The following MSI1 variants were observed in gnomAD, a reference collection of about 807,000 sequenced individuals.
The protein encoded by MSI1 is musashi RNA binding protein 1.
MSI1 carries 15 observed loss-of-function variants against 54.4 expected under a neutral mutation model. The ratio of observed to expected loss-of-function variants is 0.28; its 90% CI spans 0.18 to 0.42. The LOEUF is 0.42. Ranked by LOEUF, MSI1 falls within the 20% of genes least tolerant of loss-of-function variation. The pLI, the probability that MSI1 is intolerant of heterozygous loss-of-function variation, is 1.00. For synonymous variants in MSI1, 200 were observed against 196.5 expected, an observed-to-expected ratio of 1.02 and a Z score of -0.15; for missense variants, 304 against 506.0, an observed-to-expected ratio of 0.60 and a Z score of 3.83.
chr12:120,345,984 C>T (rs1472734082), intron 13 of MSI1, 151 bp downstream of exon 13: 2 of 760,198 alleles, frequency 2.6e-6, no homozygotes, highest in Non-Finnish European at 4.1e-6. Flanking sequence ...GAATGATAAC[C>T]CCCACAACTC....
chr12:120,359,174 CT>C, intron 6 of MSI1, 121 bp from the exon 7 acceptor site: 1 of 1,195,580 alleles, frequency 8.4e-7, no homozygotes, highest in East Asian at 2.6e-5. Context: ...CTTCAACCTG[CT>C]CCCTGCACAG....
chr12:120,354,481 G>C (rs1294417336), intron 9 of MSI1, among the ~76,000 whole-genome samples: 3 of 151,950 alleles, frequency 2.0e-5, no homozygotes, highest in Non-Finnish European at 4.4e-5. Context: ...CCCCAGGCTG[G>C]AGTGCAATGG....
chr12:120,361,948 A>C (rs955113077), intron 6 of MSI1, among the ~76,000 whole-genome samples: 1 of 151,814 alleles, frequency 6.6e-6, no homozygotes, highest in Non-Finnish European at 1.5e-5. Context: ...CTGCTGGATC[A>C]GATTAGTGCG....
At chr12:120,359,091 C>A (rs1015804244) in intron 6 of MSI1, 38 bp from the exon 7 acceptor site, 9 of 1,551,654 alleles carry the variant, frequency 5.8e-6, no homozygotes, top group Non-Finnish European at 7.8e-6. Context: ...CAGCAGATAC[C>A]AGCGGAACCC....
In MSI1 at chr12:120,356,929, C is replaced by A; in HGVS notation, c.625G>T (p.Ala209Ser). The stretch of plus-strand genomic sequence containing the variant: ...AGCATGCCGATGCCCAGCATGAAGG[C>A]GTCCATTCCGTAGGGCATGACTCGA... The part of the protein sequence containing the change: ...RSRVMPYGMD[A>S]FMLGIGMLGY... Residue 209 changes from alanine (A) to serine (S), a missense_variant, in exon 9 of 15, where the codon GCC (alanine) becomes TCC (serine). Coordinates refer to ENST00000257552, the MANE Select transcript of MSI1 (RefSeq NM_002442.4). The A allele has an allele frequency of 6.2e-7, 1 of 1,614,142 alleles. No homozygotes were observed. The highest frequency in any genetic ancestry group is 8.5e-7 in the Non-Finnish European group (1 of 1,180,040).
intron 9 of MSI1, among the ~76,000 whole-genome samples, chr12:120,355,600 A>T (rs1875045176): frequency 6.6e-6 from 1 of 152,198 alleles, no homozygotes; most frequent in East Asian, 1.9e-4. Flanking sequence ...ATGTGTACAT[A>T]CATATTTGCA....
At position 120,351,569 on chromosome 12, in the gene MSI1, A is replaced by G. The variant is rs369878497; in HGVS notation, c.734-169T>C. Reference sequence around the variant, plus strand: ...AGTTCCCAGAAGGCAGGGGAGGGCAAGGAGACAGACACAGAGGAGAGACAG... The same window carrying G: ...AGTTCCCAGAAGGCAGGGGAGGGCAGGGAGACAGACACAGAGGAGAGACAG... On this transcript the variant is annotated intron_variant, in intron 10 of 14. Transcript: ENST00000257552. Among the ~76,000 whole-genome samples, 382 of 152,040 alleles carry G rather than the reference A, an allele frequency of 2.5e-3. 4 individuals carry two copies. The highest frequency in any genetic ancestry group is 8.9e-3 in the African/African-American group (371 of 41,494).
At chr12:120,358,616 G>A (rs868830214) in intron 7 of MSI1, among the ~76,000 whole-genome samples, 4 of 152,144 alleles carry the variant, frequency 2.6e-5, no homozygotes, top group African/African-American at 9.7e-5. Flanking sequence ...CAGAGGCAAC[G>A]GGGCTGGGGG....
In MSI1 at chr12:120,342,704, A is replaced by T. The variant is rs1052032206; in HGVS notation, c.*423T>A. Reference sequence around the variant, plus strand: ...AGGGTAAAGGAGGGGAAATCTGAATAAAAAACAGGGGTTGGGCTGCGGCCT... The same window carrying T: ...AGGGTAAAGGAGGGGAAATCTGAATTAAAAACAGGGGTTGGGCTGCGGCCT... On this transcript the variant is annotated 3_prime_UTR_variant, in exon 15 of 15. Transcript: ENST00000257552. 2 of 151,284 alleles carry T rather than the reference A, an allele frequency of 1.3e-5. No individual in the cohort carries two copies. The highest frequency in any genetic ancestry group is 2.4e-5 in the African/African-American group (1 of 41,190). The allele number at this position is 151,284 out of a possible 1,614,324, so 9.4% of individuals were successfully genotyped here.
rs1473968793 is a variant in MSI1 at position 120,356,884 on chromosome 12, G to A, written c.652+18C>T. 1 of 1,608,986 alleles carries A rather than the reference G, an allele frequency of 6.2e-7. No individual in the cohort carries two copies. The highest frequency in any genetic ancestry group is 1.1e-5 in the South Asian group (1 of 90,978). ...CAGTTCTGGCAGAAAGAAGCCGCAGGCGCAGGCTCGCGCATACCCAGCATG... is the reference window on the plus strand; with the variant it reads ...CAGTTCTGGCAGAAAGAAGCCGCAGACGCAGGCTCGCGCATACCCAGCATG... On this transcript the variant is annotated intron_variant, in intron 9 of 14. Coordinates refer to ENST00000257552, the MANE Select transcript of MSI1 (RefSeq NM_002442.4).
chr12:120,363,855 C>G (rs1042560767), intron 5 of MSI1, among the ~76,000 whole-genome samples: 1 of 152,262 alleles, frequency 6.6e-6, no homozygotes, highest in African/African-American at 2.4e-5. Context: ...AGTTGGGGGA[C>G]TTGATGGAAT....
Position 120,363,031 on chromosome 12 carries a change from G to C in MSI1, c.402+12C>G, listed in dbSNP as rs2136979285. The C allele has an allele frequency of 6.2e-7, 1 of 1,612,650 alleles. No homozygotes were observed. Among genetic ancestry groups the C allele is most frequent in the East Asian group, 2.2e-5 (1 of 44,874 alleles). On this transcript the variant is annotated intron_variant, in intron 6 of 14. Transcript: ENST00000257552. The stretch of plus-strand genomic sequence containing the variant: ...ACAGCCCCAGCAGCAAGCGCCCCCA[G>C]TTTAAACCCACCTTCCCAAACTGCT...
intron 5 of MSI1, among the ~76,000 whole-genome samples, chr12:120,363,959 TAA>T (rs1416316833): frequency 2.0e-5 from 3 of 152,202 alleles, no homozygotes; most frequent in Non-Finnish European, 4.4e-5. Flanking sequence ...GGACCCATGA[TAA>T]GTCAGTAAAC....
intron 11 of MSI1, among the ~76,000 whole-genome samples, chr12:120,350,980 C>T (rs907383442): frequency 1.4e-4 from 22 of 152,258 alleles, no homozygotes; most frequent in Admixed American, 1.1e-3. Flanking sequence ...GGTATGCCCA[C>T]GCTGGTGTGC....
rs1207723618 is a variant in MSI1, at chr12:120,359,092, A to C, written c.403-39T>G. ...CGCCATGGAGGACCCAGCAGATACC[A>C]GCGGAACCCACTACCACCAAGGAAC... is the stretch of plus-strand genomic sequence containing the variant. On this transcript the variant is annotated intron_variant, in intron 6 of 14. Coordinates refer to ENST00000257552, the MANE Select transcript of MSI1 (RefSeq NM_002442.4). 1.9e-6 allele frequency: 3 copies of C among 1,551,694 alleles called. No individual in the cohort carries two copies. The South Asian group carries it at 3.6e-5, about 18-fold the overall frequency.
At chr12:120,360,909 C>A (rs1242982053) in intron 6 of MSI1, among the ~76,000 whole-genome samples, 1 of 152,112 alleles carries the variant, frequency 6.6e-6, no homozygotes, top group Non-Finnish European at 1.5e-5. Flanking sequence ...CCCATCTCAC[C>A]CTCCTTGGTA....
At chr12:120,345,107 T>C (rs1874002624) in intron 14 of MSI1, among the ~76,000 whole-genome samples, 1 of 152,004 alleles carries the variant, frequency 6.6e-6, no homozygotes, top group Non-Finnish European at 1.5e-5. Flanking sequence ...ATCCCAGCAC[T>C]TTGGGGGACC....
intron 8 of MSI1, 135 bp downstream of exon 8, chr12:120,357,681 T>G: frequency 1.2e-6 from 1 of 805,970 alleles, no homozygotes; most frequent in Non-Finnish European, 2.0e-6. Context: ...AATTTTTGTA[T>G]TTTTAGTAGA....
At chr12:120,347,146 C>T (rs1565883455) in intron 12 of MSI1, among the ~76,000 whole-genome samples, 1 of 152,170 alleles carries the variant, frequency 6.6e-6, no homozygotes, top group Non-Finnish European at 1.5e-5. Flanking sequence ...GACGGGGTCT[C>T]ACCATGTTGG....
Sources: allele counts gnomAD v4.1 joint callset (sites outside exome capture counted in the v4.1 genomes callset), GRCh38; gene constraint gnomAD v4.1.1; transcripts MANE v1.5; gene names NCBI Gene and HGNC (gene_info 2026-07-23, HGNC 2026-07-21).